The following MACROD1 variants were observed in gnomAD, a reference collection of about 807,000 sequenced individuals.
The protein encoded by MACROD1 is ADP-ribose glycohydrolase MACROD1.
In MACROD1, 31 loss-of-function variants were observed where a neutral mutation model predicts 41.4. The ratio of observed to expected loss-of-function variants is 0.75; its 90% CI spans 0.56 to 1.01. MACROD1 has a LOEUF of 1.01. Ranked by LOEUF, MACROD1 falls within the 50% of genes least tolerant of loss-of-function variation. The pLI is 0.00. For missense variants in MACROD1, 473 were observed against 460.0 expected (o/e 1.03, Z -0.26); for synonymous variants, 252 against 203.4 (o/e 1.24, Z -2.03).
At chr11:64,063,433 G>T (rs1943940511) in intron 3 of MACROD1, among the ~76,000 whole-genome samples, 1 of 152,084 alleles carries the variant, frequency 6.6e-6, no homozygotes, top group African/African-American at 2.4e-5. Flanking sequence ...GAGAGGAGGA[G>T]GACTTCCAGG....
intron 3 of MACROD1, among the ~76,000 whole-genome samples, chr11:64,125,928 C>CAA (rs938380389): frequency 6.6e-6 from 1 of 152,198 alleles, no homozygotes; most frequent in African/African-American, 2.4e-5. Context: ...CGGGAAAAAA[C>CAA]AAACGCACCA....
intron 3 of MACROD1, chr11:64,148,910 G>A: frequency 1.0e-6 from 1 of 985,450 alleles, no homozygotes; most frequent in African/African-American, 1.7e-5. Context: ...GAACGCTGGG[G>A]TTCCACAAAG....
intron 3 of MACROD1, among the ~76,000 whole-genome samples, chr11:64,027,367 G>A (rs796538641): frequency 5.9e-5 from 9 of 152,276 alleles, no homozygotes; most frequent in African/African-American, 2.2e-4. Flanking sequence ...GGTGGTCCTG[G>A]AGGCAGGGGC....
At chr11:64,108,981 G>A (rs556058030) in intron 3 of MACROD1, among the ~76,000 whole-genome samples, 25 of 152,276 alleles carry the variant, frequency 1.6e-4, no homozygotes, top group African/African-American at 5.5e-4. Flanking sequence ...AAGTGGGGGT[G>A]GGGGAGACGT....
intron 3 of MACROD1, among the ~76,000 whole-genome samples, chr11:64,073,935 G>A (rs1207254024): frequency 6.6e-6 from 1 of 152,156 alleles, no homozygotes; most frequent in Non-Finnish European, 1.5e-5. Flanking sequence ...TGAAGGTCAG[G>A]GAGGGAGGCT....
At chr11:64,095,129 T>A (rs1311640557) in intron 3 of MACROD1, among the ~76,000 whole-genome samples, 1 of 152,228 alleles carries the variant, frequency 6.6e-6, no homozygotes, top group Non-Finnish European at 1.5e-5. Flanking sequence ...GCCAGGCGTC[T>A]GCAAAGATGG....
At chr11:64,011,342 T>C (rs980304387) in intron 4 of MACROD1, among the ~76,000 whole-genome samples, 1 of 151,542 alleles carries the variant, frequency 6.6e-6, no homozygotes, top group East Asian at 1.9e-4. Context: ...GGTTGGGCTG[T>C]TGGCTAGGAT....
At chr11:64,111,322 A>G (rs989498486) in intron 3 of MACROD1, among the ~76,000 whole-genome samples, 1 of 152,250 alleles carries the variant, frequency 6.6e-6, no homozygotes, top group African/African-American at 2.4e-5. Flanking sequence ...TCCTCCAGCC[A>G]GACGCTGGGG....
chr11:64,098,205 C>A (rs1158761166), intron 3 of MACROD1, among the ~76,000 whole-genome samples: 1 of 152,176 alleles, frequency 6.6e-6, no homozygotes, highest in Non-Finnish European at 1.5e-5. Flanking sequence ...CTCACAGCCT[C>A]CCCCCTGCCC....
intron 3 of MACROD1, among the ~76,000 whole-genome samples, chr11:64,050,150 T>C (rs1181461948): frequency 6.6e-6 from 1 of 151,960 alleles, no homozygotes; most frequent in Non-Finnish European, 1.5e-5. Context: ...AGGCTCCGTC[T>C]TCACCCTGCC....
intron 3 of MACROD1, among the ~76,000 whole-genome samples, chr11:64,058,462 T>C (rs1943833968): frequency 6.6e-6 from 1 of 152,200 alleles, no homozygotes; most frequent in Non-Finnish European, 1.5e-5. Context: ...AGCTGCCACC[T>C]GGGTGGGCGA....
In MACROD1 at chr11:64,122,461, C is replaced by T. The variant is rs964355463; in HGVS notation, c.517+28778G>A. 4.0e-5 allele frequency among the ~76,000 whole-genome samples: 6 copies of T among 151,398 alleles called. No individual in the cohort carries two copies. The highest frequency in any genetic ancestry group is 1.5e-4 in the African/African-American group (6 of 41,162). On this transcript the variant is annotated intron_variant, in intron 3 of 10. Transcript: ENST00000255681. This position sits in a 1 kb window ranked among gnomAD's most constrained non-coding sequence, Gnocchi z 4.0. ...CCCAAAGCCCAAAGCCCACACCTGC[C>T]GTGTGCCTCTTCTCCCTCCCTCTAC...
chr11:64,129,488 G>A (rs976844620), intron 3 of MACROD1, among the ~76,000 whole-genome samples: 1 of 152,204 alleles, frequency 6.6e-6, no homozygotes, highest in Non-Finnish European at 1.5e-5. Flanking sequence ...CAGTTTGTCT[G>A]GGGAGTGTAG....
intron 4 of MACROD1, among the ~76,000 whole-genome samples, chr11:64,012,818 G>A (rs1485733053): frequency 3.3e-5 from 5 of 152,062 alleles, no homozygotes; most frequent in Admixed American, 2.0e-4. Context: ...TTACAGGCAT[G>A]AGCCACCATG....
At chr11:64,144,363 C>A (rs1041455469) in intron 3 of MACROD1, among the ~76,000 whole-genome samples, 1 of 152,158 alleles carries the variant, frequency 6.6e-6, no homozygotes, top group East Asian at 1.9e-4. Flanking sequence ...AGACTGTGTC[C>A]TTTGCAGCCC....
intron 3 of MACROD1, among the ~76,000 whole-genome samples, chr11:64,058,408 G>A (rs897905058): frequency 6.6e-6 from 1 of 152,274 alleles, no homozygotes; most frequent in African/African-American, 2.4e-5. Flanking sequence ...GGGCTTGGGG[G>A]GGGGTCCTCC....
At chr11:64,072,818 A>C (rs2134466923) in intron 3 of MACROD1, among the ~76,000 whole-genome samples, 1 of 152,340 alleles carries the variant, frequency 6.6e-6, no homozygotes, top group East Asian at 1.9e-4. Flanking sequence ...CATGTGGCTC[A>C]GTGGTCCCCA....
At chr11:64,107,091 C>T (rs1179017210) in intron 3 of MACROD1, among the ~76,000 whole-genome samples, 1 of 152,070 alleles carries the variant, frequency 6.6e-6, no homozygotes, top group Non-Finnish European at 1.5e-5. Flanking sequence ...GCCATGTTGA[C>T]CAGGCTGGTT....
chr11:64,091,348 C>T (rs928951285), intron 3 of MACROD1, among the ~76,000 whole-genome samples: 3 of 151,974 alleles, frequency 2.0e-5, no homozygotes, highest in South Asian at 2.1e-4. Flanking sequence ...AGTTTCCTGC[C>T]GTTACAATCT....
Sources: gnomAD v4.1 joint callset for allele counts (sites outside exome capture counted in the v4.1 genomes callset) on GRCh38, gnomAD v4.1.1 for gene constraint, Gnocchi (gnomAD v3.1) non-coding constraint, MANE v1.5 for transcripts, NCBI Gene and HGNC (gene_info 2026-07-23, HGNC 2026-07-21) for gene names.